The following TRPV3 variants were observed in gnomAD, a reference collection of about 807,000 sequenced individuals.
TRPV3 encodes transient receptor potential cation channel subfamily V member 3.
Under a neutral mutation model 87.1 loss-of-function variants are expected in TRPV3, and 88 were observed. The ratio of observed to expected loss-of-function variants is 1.01; its 90% CI spans 0.85 to 1.21. TRPV3 has a LOEUF of 1.21. TRPV3 is among the 50% of genes most tolerant of loss of function. TRPV3 has a pLI of 0.00. For missense variants in TRPV3, 1,054 were observed against 1,030.1 expected, an observed-to-expected ratio of 1.02 and a Z score of -0.32; for synonymous variants, 438 against 423.3, an observed-to-expected ratio of 1.03 and a Z score of -0.43.
At chr17:3,523,351 C>G (rs1383428368) in intron 13 of TRPV3, among the ~76,000 whole-genome samples, 1 of 152,116 alleles carries the variant, frequency 6.6e-6, no homozygotes, top group African/African-American at 2.4e-5. Flanking sequence ...AACTCTCAAC[C>G]AACATTCATG....
chr17:3,514,654 C>T lies in TRPV3; in HGVS notation c.2217G>A (p.Trp739Ter). ...AGGAGACGTGCGTCTTCCATTCAGT[C>T]CACTTCACCTCATTGATCCTGCAAA... ...RLCLRINEVK[W>*]TEWKTHVSFL... The change falls in exon 17 of 18, where the codon TGG (tryptophan) becomes TGA (stop). Residue 739 changes from tryptophan to a stop codon, truncating the protein, a stop_gained. Coordinates refer to ENST00000576742, the MANE Select transcript of TRPV3 (RefSeq NM_145068.4). LOFTEE classifies it high-confidence loss of function. 1 of 1,613,720 alleles carries T rather than the reference C, an allele frequency of 6.2e-7. No homozygotes were observed. The highest frequency in any genetic ancestry group is 8.5e-7 in the Non-Finnish European group (1 of 1,179,684).
Position 3,530,390 on chromosome 17 carries a change from T to TTGCC in TRPV3, c.1066-188_1066-187insGGCA. 2.4e-6 allele frequency: 1 copy of TTGCC among 423,526 alleles called. No homozygotes were observed. Among genetic ancestry groups the TTGCC allele is most frequent in the East Asian group, 6.9e-5 (1 of 14,412 alleles). The allele number at this position is 423,526 out of a possible 1,614,324, so 26.2% of individuals were successfully genotyped here. ...TCTGTGGAATGCGCACAAAGCTTGC[T>TTGCC]GTTCCGCCCATCTCACTGGGGGTTG... On this transcript the variant is annotated intron_variant, in intron 8 of 17. Transcript: ENST00000576742. This position sits in a 1 kb window ranked among gnomAD's most constrained non-coding sequence, Gnocchi z 4.0.
chr17:3,542,452 A>T (rs1488433820), intron 6 of TRPV3, 70 bp downstream of exon 6: 10 of 1,543,200 alleles, frequency 6.5e-6, no homozygotes, highest in Non-Finnish European at 8.8e-6. Flanking sequence ...CCTGGCCAGC[A>T]GTGGCCCTGT....
chr17:3,535,143 TC>T, intron 7 of TRPV3, among the ~76,000 whole-genome samples: 2 of 144,600 alleles, frequency 1.4e-5, no homozygotes, highest in East Asian at 2.2e-4. Context: ...CCTTCCTCCC[TC>T]CTTCCTTCCT....
rs1421594202 is a variant in TRPV3 at position 3,542,569 on chromosome 17, A to T, written c.596T>A (p.Ile199Asn). 1.2e-6 allele frequency: 2 copies of T among 1,613,888 alleles called. No homozygotes were observed. The highest frequency in any genetic ancestry group is 1.7e-6 in the Non-Finnish European group (2 of 1,180,010). ...CTCGGCGTTGATGAACCTGCCCAGG[A>T]TGTCGTTCTCTTCAGCAAAGGCAAG... is the stretch of plus-strand genomic sequence containing the variant. ...ILLAFAEENDILGRFINAEYT... is the reference protein window; with the variant it reads ...ILLAFAEENDNLGRFINAEYT... Residue 199 changes from isoleucine to asparagine, a missense_variant, in exon 6 of 18, where the codon ATC (isoleucine) becomes AAC (asparagine). Coordinates refer to ENST00000576742, the MANE Select transcript of TRPV3 (RefSeq NM_145068.4).
Position 3,528,862 on chromosome 17 carries a change from G to A in TRPV3, c.1376C>T (p.Ser459Leu), listed in dbSNP as rs1229524183. 37 of 1,614,074 alleles carry A rather than the reference G, an allele frequency of 2.3e-5. No individual in the cohort carries two copies. The highest frequency in any genetic ancestry group is 3.3e-5 in the South Asian group (3 of 91,088). Residue 459 changes from serine to leucine, a missense_variant, in exon 10 of 18, where the codon TCG becomes TTG. By Grantham distance (145) the Ser-to-Leu change is moderately radical (BLOSUM62 -2). Transcript: ENST00000576742. This position sits in a 1 kb window ranked among gnomAD's most constrained non-coding sequence, Gnocchi z 4.2. ...FFYNITLTLVSYYRPREEEAI... is the reference protein window; with the variant it reads ...FFYNITLTLVLYYRPREEEAI... ...CTCCTCCTCCCGGGGGCGGTAGTACGAGACGAGGGTCAGGGTGATGTTGTA... is the reference window on the plus strand; with the variant it reads ...CTCCTCCTCCCGGGGGCGGTAGTACAAGACGAGGGTCAGGGTGATGTTGTA...
intron 4 of TRPV3, 100 bp downstream of exon 4, chr17:3,544,479 T>C: frequency 1.4e-6 from 1 of 702,338 alleles, no homozygotes; most frequent in Non-Finnish European, 2.3e-6. Context: ...TCCCCAGGAA[T>C]GGTGGATTCT....
At chr17:3,535,208 TCCCTTCTGTCTCCTGC>T (rs2074390909) in intron 7 of TRPV3, among the ~76,000 whole-genome samples, 2 of 64,506 alleles carry the variant, frequency 3.1e-5, no homozygotes, top group African/African-American at 7.3e-5. Context: ...CTCCTCCTTC[TCCCTTCTGTCTCCTGC>T]CTCCCTCCTC....
In TRPV3 at chr17:3,512,862, AT is replaced by A. The variant is rs2074131920; in HGVS notation, c.*1054del. On this transcript the variant is annotated 3_prime_UTR_variant, in exon 18 of 18. Transcript: ENST00000576742. Reference sequence around the variant, plus strand: ...CAAAGCAGTTGAGGCATTTTGTTAAATTCCCCCACTGAGACATACTGAGGTA... The same window carrying A: ...CAAAGCAGTTGAGGCATTTTGTTAAATCCCCCACTGAGACATACTGAGGTA... 6.6e-6 allele frequency: 1 copy of A among 152,228 alleles called. No individual in the cohort carries two copies. The highest frequency in any genetic ancestry group is 2.1e-4 in the South Asian group (1 of 4,830). 9.4% of individuals were successfully genotyped at this position (152,228 alleles called of 1,614,324 possible). A position where few individuals can be genotyped will look rare whatever the true frequency, so the allele number is the denominator to read the frequency against.
rs72816030 is a variant in TRPV3, at chr17:3,528,238, G to A, written c.1402-112C>T. The A allele has an allele frequency of 0.16, 116,004 of 723,184 alleles. 12,637 individuals carry two copies. Among genetic ancestry groups the A allele is most frequent in the East Asian group, 0.46 (16,712 of 36,356 alleles). 44.8% of individuals were successfully genotyped at this position (723,184 alleles called of 1,614,324 possible). On this transcript the variant is annotated intron_variant, in intron 10 of 17. Transcript: ENST00000576742. The surrounding 1 kb of genome is among the most constrained non-coding windows in gnomAD (Gnocchi z 4.2). Reference sequence around the variant, plus strand: ...AACACTCAAGCCGGGCCAGAGACCAGCATGAAACCTGATCTCTGTACAGGG... The same window carrying A: ...AACACTCAAGCCGGGCCAGAGACCAACATGAAACCTGATCTCTGTACAGGG...
Position 3,516,111 on chromosome 17 carries a change from G to A in TRPV3, c.2198+346C>T, listed in dbSNP as rs375732806. Among the ~76,000 whole-genome samples, 657 of 152,236 alleles carry A rather than the reference G, an allele frequency of 4.3e-3. 5 individuals carry two copies. The highest frequency in any genetic ancestry group is 0.014 in the African/African-American group (580 of 41,524). On this transcript the variant is annotated intron_variant, in intron 16 of 17. Coordinates refer to ENST00000576742, the MANE Select transcript of TRPV3 (RefSeq NM_145068.4). ...TGAGGCAGGAGAATCACTTGAACCC[G>A]GGAGGCGGAGGTTGCAATGAGCCAA...
intron 16 of TRPV3, 27 bp downstream of exon 16, chr17:3,516,430 A>ACCT: frequency 6.3e-7 from 1 of 1,588,012 alleles, no homozygotes; most frequent in African/African-American, 1.3e-5. Flanking sequence ...AAAGACCACC[A>ACCT]CCCCAGGGCC....
At chr17:3,542,400 A>G in intron 6 of TRPV3, 122 bp downstream of exon 6, 1 of 1,112,344 alleles carries the variant, frequency 9.0e-7, no homozygotes, top group Non-Finnish European at 1.3e-6. Context: ...GTACCATGCT[A>G]CATGCTTGGG....
chr17:3,535,774 C>T (rs2074404192), intron 6 of TRPV3, 61 bp from the exon 7 acceptor site: 1 of 1,399,712 alleles, frequency 7.1e-7, no homozygotes, highest in Non-Finnish European at 9.3e-7. Flanking sequence ...CTCTTGCCCA[C>T]CCGCTCTGGC....
chr17:3,523,864 G>GTA (rs2074268937), intron 13 of TRPV3, among the ~76,000 whole-genome samples: 1 of 151,678 alleles, frequency 6.6e-6, no homozygotes, highest in Non-Finnish European at 1.5e-5. Flanking sequence ...AGTCTTTTGT[G>GTA]TATATATATG....
rs1386967915 is a variant in TRPV3, at chr17:3,556,700, G to C, written c.-3+976C>G. Among the ~76,000 whole-genome samples the C allele has an allele frequency of 2.0e-5, 3 of 152,182 alleles. No individual in the cohort carries two copies. Among genetic ancestry groups the C allele is most frequent in the Non-Finnish European group, 4.4e-5 (3 of 68,030 alleles). ...GGATGGAGGAGGCATCGGCGAGGGA[G>C]AGCTTTGGCCCTGGAGCGTAGGCAA... On this transcript the variant is annotated intron_variant, in intron 1 of 17. Transcript: ENST00000576742. The surrounding 1 kb of genome is among the most constrained non-coding windows in gnomAD (Gnocchi z 4.2).
intron 5 of TRPV3, 80 bp downstream of exon 5, chr17:3,543,394 G>T: frequency 6.5e-7 from 1 of 1,549,818 alleles, no homozygotes; most frequent in South Asian, 1.1e-5. Context: ...CTCATGGGTT[G>T]GTGAGGGGAG....
intron 11 of TRPV3, among the ~76,000 whole-genome samples, 190 bp from the exon 12 acceptor site, chr17:3,527,117 A>G (rs1258310883): frequency 6.6e-6 from 1 of 152,034 alleles, no homozygotes; most frequent in Non-Finnish European, 1.5e-5. Context: ...GGTGAAGGTG[A>G]ACGCTCCCTC....
At chr17:3,533,894 T>C (rs542674914) in intron 7 of TRPV3, among the ~76,000 whole-genome samples, 31 of 152,330 alleles carry the variant, frequency 2.0e-4, no homozygotes, top group African/African-American at 7.2e-4. Context: ...CTGTCTAGAA[T>C]GTAAGTTCCA....
Sources: gnomAD v4.1 joint callset for allele counts (sites outside exome capture counted in the v4.1 genomes callset) on GRCh38, gnomAD v4.1.1 for gene constraint, Gnocchi (gnomAD v3.1) non-coding constraint, MANE v1.5 for transcripts, NCBI Gene and HGNC (gene_info 2026-07-23, HGNC 2026-07-21) for gene names.